Variants in GALNT17 observed in about 807,000 individuals in gnomAD.
GALNT17 encodes polypeptide N-acetylgalactosaminyltransferase 17.
Under a neutral mutation model 63.7 loss-of-function variants are expected in GALNT17, and 29 were observed. That is an observed-to-expected ratio of 0.46 (90% CI 0.34 to 0.62). The LOEUF is 0.62. Ranked by LOEUF, GALNT17 falls within the 20% of genes least tolerant of loss-of-function variation. GALNT17 has a pLI of 0.01. For missense variants in GALNT17, 603 were observed against 799.6 expected, an observed-to-expected ratio of 0.75 and a Z score of 2.97; for synonymous variants, 305 against 318.3, an observed-to-expected ratio of 0.96 and a Z score of 0.45.
intron 5 of GALNT17, among the ~76,000 whole-genome samples, chr7:71,424,207 T>C (rs1416329286): frequency 6.6e-6 from 1 of 152,160 alleles, no homozygotes; most frequent in South Asian, 2.1e-4. Flanking sequence ...TAATGGCGAG[T>C]GCTTGAAGAC....
rs367615770 is a variant in GALNT17, at chr7:71,578,749, T to G, written c.1080+7347T>G. ...TCTTTGCCCTGTCTCTTGTTCTTAG[T>G]TTTGCTTCCCTCTTGTCTACAGCTA... On this transcript the variant is annotated intron_variant, in intron 6 of 10. Transcript: ENST00000333538. Among the ~76,000 whole-genome samples the G allele has an allele frequency of 5.3e-5, 8 of 152,290 alleles. No homozygotes were observed. In the East Asian group the frequency reaches 1.2e-3, roughly 22 times the overall value.
At chr7:71,282,284 G>T (rs572026562) in intron 1 of GALNT17, among the ~76,000 whole-genome samples, 25 of 152,324 alleles carry the variant, frequency 1.6e-4, no homozygotes, top group Admixed American at 1.1e-3. Flanking sequence ...TTCCAGTGCA[G>T]TTTAGCAAAC....
intron 1 of GALNT17, chr7:71,300,187 G>T: frequency 3.6e-6 from 1 of 280,060 alleles, no homozygotes; most frequent in South Asian, 3.2e-5. Context: ...AAACTTTTGT[G>T]GGAGATGATT....
intron 6 of GALNT17, among the ~76,000 whole-genome samples, chr7:71,645,133 G>T (rs1790656887): frequency 6.6e-6 from 1 of 152,212 alleles, no homozygotes; most frequent in African/African-American, 2.4e-5. Flanking sequence ...GCTGGACTGG[G>T]TGTACTCAGG....
intron 1 of GALNT17, among the ~76,000 whole-genome samples, chr7:71,222,823 C>T (rs566550738): frequency 1.3e-5 from 2 of 152,292 alleles, no homozygotes; most frequent in Non-Finnish European, 2.9e-5. Context: ...GTAATCCCAA[C>T]ACTTTGGGAG....
rs143643895 is a variant in GALNT17 at position 71,275,641 on chromosome 7, A to C, written c.239-59909A>C. Among the ~76,000 whole-genome samples, 11 of 152,322 alleles carry C rather than the reference A, an allele frequency of 7.2e-5. No homozygotes were observed. In the East Asian group the frequency reaches 2.1e-3, roughly 29 times the overall value. ...TACGGCAGTTCCATGGGGGACACAA[A>C]TAGCTAGAAAGCGTTTTGAGCTGTC... is the stretch of plus-strand genomic sequence containing the variant. On this transcript the variant is annotated intron_variant, in intron 1 of 10. Coordinates refer to ENST00000333538, the MANE Select transcript of GALNT17 (RefSeq NM_022479.3).
chr7:71,306,240 T>G (rs1791292735), intron 1 of GALNT17, among the ~76,000 whole-genome samples: 1 of 149,924 alleles, frequency 6.7e-6, no homozygotes, highest in African/African-American at 2.5e-5. Context: ...AAATAAATTC[T>G]AATTTTGGTA....
chr7:71,391,487 T>C (rs2116354279), intron 3 of GALNT17, among the ~76,000 whole-genome samples: 1 of 151,938 alleles, frequency 6.6e-6, no homozygotes, highest in East Asian at 2.0e-4. Flanking sequence ...GACAGATTGA[T>C]TGATTGATTT....
At chr7:71,532,363 G>A (rs7794775) in intron 5 of GALNT17, among the ~76,000 whole-genome samples, 3,295 of 152,240 alleles carry the variant, frequency 0.022, 119 homozygotes, top group African/African-American at 0.075. Flanking sequence ...AGTTCAAGGT[G>A]TAGAAAGATG....
intron 5 of GALNT17, among the ~76,000 whole-genome samples, chr7:71,430,188 T>C (rs1786835090): frequency 6.6e-6 from 1 of 152,110 alleles, no homozygotes; most frequent in African/African-American, 2.4e-5. Flanking sequence ...ATAAATTCAG[T>C]TGTGTTTTGT....
intron 1 of GALNT17, among the ~76,000 whole-genome samples, chr7:71,181,894 A>AT (rs1477380078): frequency 6.5e-5 from 9 of 138,358 alleles, no homozygotes. Context: ...GAAAAAAAAA[A>AT]GGCTGGCGCG....
chr7:71,522,551 T>C (rs1466405702), intron 5 of GALNT17, among the ~76,000 whole-genome samples: 2 of 152,130 alleles, frequency 1.3e-5, no homozygotes, highest in African/African-American at 4.8e-5. Flanking sequence ...GTGAGACTTA[T>C]TCACTACCAT....
chr7:71,307,358 G>A (rs1791324260), intron 1 of GALNT17, among the ~76,000 whole-genome samples: 1 of 151,932 alleles, frequency 6.6e-6, no homozygotes, highest in African/African-American at 2.4e-5. Context: ...TCTCATTGTG[G>A]TTTATGTCAC....
rs751828182 is a variant in GALNT17 at position 71,388,249 on chromosome 7, A to G, written c.437A>G (p.Lys146Arg). Residue 146 changes from lysine to arginine, a missense_variant, in exon 3 of 11, where the codon AAG (lysine) becomes AGG (arginine). This residue lies in a region of GALNT17 where 195 missense variants were observed against 215.0 expected (regional missense o/e 0.91). Coordinates refer to ENST00000333538, the MANE Select transcript of GALNT17 (RefSeq NM_022479.3). ...TCCTTCCCCAGGTGTAAGGAGCTCA[A>G]GTACTCCAAGGACCTGCCCCAGATA... ...DYRPTKCKELKYSKDLPQISI... is the reference protein window; with the variant it reads ...DYRPTKCKELRYSKDLPQISI... 5 of 1,613,620 alleles carry G rather than the reference A, an allele frequency of 3.1e-6. No individual in the cohort carries two copies. Among genetic ancestry groups the G allele is most frequent in the Non-Finnish European group, 3.4e-6 (4 of 1,179,844 alleles).
At chr7:71,350,874 G>A (rs1307791568) in intron 2 of GALNT17, among the ~76,000 whole-genome samples, 3 of 152,156 alleles carry the variant, frequency 2.0e-5, no homozygotes, top group African/African-American at 4.8e-5. Flanking sequence ...GGCGCAGTGA[G>A]TCATGCCTGT....
chr7:71,631,614 A>C (rs1361137552), intron 6 of GALNT17, among the ~76,000 whole-genome samples: 1 of 152,172 alleles, frequency 6.6e-6, no homozygotes, highest in Admixed American at 6.5e-5. Context: ...CAGTTGAGGA[A>C]GAGCAAGGAG....
intron 2 of GALNT17, among the ~76,000 whole-genome samples, chr7:71,382,480 T>A (rs921885527): frequency 2.6e-5 from 4 of 152,062 alleles, no homozygotes; most frequent in Admixed American, 6.6e-5. Flanking sequence ...AGAACTGGGA[T>A]GAAGAGAGAT....
At chr7:71,389,768 T>C (rs73360174) in intron 3 of GALNT17, among the ~76,000 whole-genome samples, 14,335 of 152,200 alleles carry the variant, frequency 0.094, 1,378 homozygotes, top group African/African-American at 0.25. Context: ...GAACTGTTTA[T>C]CTACATTGGA....
At chr7:71,694,568 G>T (rs6970747) in intron 9 of GALNT17, among the ~76,000 whole-genome samples, 3 of 151,944 alleles carry the variant, frequency 2.0e-5, no homozygotes, top group African/African-American at 7.2e-5. Flanking sequence ...GTTAATGTTC[G>T]TATTTTTAGT....
Sources: allele counts gnomAD v4.1 joint callset (sites outside exome capture counted in the v4.1 genomes callset), GRCh38; gene constraint gnomAD v4.1.1; regional missense constraint gnomAD v4.1.1; transcripts MANE v1.5; gene names NCBI Gene and HGNC (gene_info 2026-07-23, HGNC 2026-07-21).